ADAMTS4: variants seen among roughly 807,000 people sequenced by gnomAD.
ADAMTS4 encodes the protein A disintegrin and metalloproteinase with thrombospondin motifs 4.
ADAMTS4 carries 38 observed loss-of-function variants against 66.7 expected under a neutral mutation model. The ratio of observed to expected loss-of-function variants is 0.57; its 90% CI spans 0.44 to 0.75. ADAMTS4 has a LOEUF of 0.75. Ranked by LOEUF, ADAMTS4 falls within the 30% of genes least tolerant of loss-of-function variation. ADAMTS4 has a pLI of 0.00. For synonymous variants in ADAMTS4, 418 were observed against 461.5 expected (o/e 0.91, Z 1.21); for missense variants, 1,014 against 1,116.7 (o/e 0.91, Z 1.31).
At position 161,195,583 on chromosome 1, in the gene ADAMTS4, A is replaced by G; in HGVS notation, c.1143T>C (p.Asn381=). The change falls in exon 4 of 9, where the codon AAT becomes AAC. Residue 381 remains asparagine (N), a synonymous_variant. Transcript: ENST00000367996. ...HDNSKPCISL[N]GPLSTSRHVM... ...CATGGCGAGAGGTGCTCAAAGGCCC[A>G]TTCAAACTGATGCATGGCTTGGAGT... 1 of 1,614,006 alleles carries G rather than the reference A, an allele frequency of 6.2e-7. No individual in the cohort carries two copies. The highest frequency in any genetic ancestry group is 8.5e-7 in the Non-Finnish European group (1 of 1,179,934).
intron 1 of ADAMTS4, chr1:161,197,523 C>G (rs1664897012): frequency 6.2e-6 from 1 of 162,504 alleles, no homozygotes; most frequent in Non-Finnish European, 1.3e-5. Flanking sequence ...CACTCCTGCC[C>G]TAGTTTGCAG....
rs755464237 is a variant in ADAMTS4 at position 161,193,628 on chromosome 1, C to G, written c.1735+12G>C. 2 of 1,602,322 alleles carry G rather than the reference C, an allele frequency of 1.2e-6. No homozygotes were observed. The highest frequency in any genetic ancestry group is 1.7e-6 in the Non-Finnish European group (2 of 1,173,480). On this transcript the variant is annotated intron_variant, in intron 6 of 8. Coordinates refer to ENST00000367996, the MANE Select transcript of ADAMTS4 (RefSeq NM_005099.6). The surrounding 1 kb of genome is among the most constrained non-coding windows in gnomAD (Gnocchi z 4.4). ...TCCCCTCCCAAGGGCTCCCATCCCC[C>G]CTACTCCTCACCTGAGCCAGTTGGG...
At chr1:161,192,722 G>C (rs976107066) in intron 7 of ADAMTS4, among the ~76,000 whole-genome samples, 1 of 152,152 alleles carries the variant, frequency 6.6e-6, no homozygotes, top group Non-Finnish European at 1.5e-5. Context: ...AGGTTGGGGC[G>C]AAGGGAGCAA....
In ADAMTS4 at chr1:161,198,228, C is replaced by T; in HGVS notation, c.400G>A (p.Gly134Arg). ...AGAGATGCCACCGACTCCGGATCTC[C>T]ATTGATGGTGCCAGTCAGGTAGGTG... ...PGTYLTGTIN[G>R]DPESVASLHW... Residue 134 changes from glycine (G) to arginine (R), a missense_variant, in exon 1 of 9, where the codon GGA becomes AGA. Transcript: ENST00000367996. This position sits in a 1 kb window ranked among gnomAD's most constrained non-coding sequence, Gnocchi z 4.7. 1 of 1,614,110 alleles carries T rather than the reference C, an allele frequency of 6.2e-7. No individual in the cohort carries two copies. The highest frequency in any genetic ancestry group is 8.5e-7 in the Non-Finnish European group (1 of 1,180,000).
rs745734284 is a variant in ADAMTS4 at position 161,198,575 on chromosome 1, C to T, written c.53G>A (p.Trp18Ter). 2 of 1,551,198 alleles carry T rather than the reference C, an allele frequency of 1.3e-6. No homozygotes were observed. Among genetic ancestry groups the T allele is most frequent in the East Asian group, 2.4e-5 (1 of 41,584 alleles). Residue 18 changes from tryptophan to a stop codon, truncating the protein, a stop_gained, in exon 1 of 9, where the codon TGG becomes TAG. Transcript: ENST00000367996. LOFTEE classifies it high-confidence loss of function. The surrounding 1 kb of genome is among the most constrained non-coding windows in gnomAD (Gnocchi z 4.7). ...PGRGLAGRWL[W>*]GAQPCLLLPI... ...GAGCAGGAGGCAGGGTTGGGCTCCCCACAGCCAGCGCCCTGCCAAGCCCCT... is the reference window on the plus strand; with the variant it reads ...GAGCAGGAGGCAGGGTTGGGCTCCCTACAGCCAGCGCCCTGCCAAGCCCCT...
Position 161,190,750 on chromosome 1 carries a change from A to C in ADAMTS4, c.*388T>G. 1 of 186,608 alleles carries C rather than the reference A, an allele frequency of 5.4e-6. No homozygotes were observed. The highest frequency in any genetic ancestry group is 1.1e-5 in the Non-Finnish European group (1 of 87,690). The allele number at this position is 186,608 out of a possible 1,614,324, so 11.6% of individuals were successfully genotyped here. A position where few individuals can be genotyped will look rare whatever the true frequency, so the allele number is the denominator to read the frequency against. Reference sequence around the variant, plus strand: ...ATTTCCTAGCCCCAGGGTGAGGGCTATGAGGGGTCAGGGGTCAGGTTCCCC... The same window carrying C: ...ATTTCCTAGCCCCAGGGTGAGGGCTCTGAGGGGTCAGGGGTCAGGTTCCCC... On this transcript the variant is annotated 3_prime_UTR_variant, in exon 9 of 9. Transcript: ENST00000367996.
In ADAMTS4 at chr1:161,191,048, T is replaced by C; in HGVS notation, c.*90A>G. 7.0e-7 allele frequency: 1 copy of C among 1,420,324 alleles called. No homozygotes were observed. Among genetic ancestry groups the C allele is most frequent in the East Asian group, 2.3e-5 (1 of 43,248 alleles). 88.0% of individuals were successfully genotyped at this position (1,420,324 alleles called of 1,614,324 possible). A position where few individuals can be genotyped will look rare whatever the true frequency, so the allele number is the denominator to read the frequency against. ...ACGCCCACAGCCCCTCCCCACTGAG[T>C]CTTAGCATGAGGCAGCAACAGAAGC... On this transcript the variant is annotated 3_prime_UTR_variant, in exon 9 of 9. Transcript: ENST00000367996.
Position 161,191,296 on chromosome 1 carries a change from G to A in ADAMTS4, c.2356C>T (p.Leu786=). The A allele has an allele frequency of 6.2e-7, 1 of 1,613,958 alleles. No individual in the cohort carries two copies. Among genetic ancestry groups the A allele is most frequent in the Non-Finnish European group, 8.5e-7 (1 of 1,180,034 alleles). Residue 786 remains leucine, a synonymous_variant, in exon 9 of 9, where the codon CTA becomes TTA. Coordinates refer to ENST00000367996, the MANE Select transcript of ADAMTS4 (RefSeq NM_005099.6). ...PLAQPLTLQV[L]VAGNPQDTRL... ...GTGTCCTGGGGGTTGCCAGCCACTAGGACTTGCAGTGTCAAAGGCTGGGCC... is the reference window on the plus strand; with the variant it reads ...GTGTCCTGGGGGTTGCCAGCCACTAAGACTTGCAGTGTCAAAGGCTGGGCC...
rs1416365385 is a variant in ADAMTS4 at position 161,198,505 on chromosome 1, C to G, written c.123G>C (p.Leu41=). ...LSWLVWLLLL[L]LASLLPSARL... ...GGGCTGAGGGCAGGAGAGAGGCCAGCAGTAGCAGAAGCAGCCACACCAGCC... is the reference window on the plus strand; with the variant it reads ...GGGCTGAGGGCAGGAGAGAGGCCAGGAGTAGCAGAAGCAGCCACACCAGCC... The change falls in exon 1 of 9, where the codon CTG becomes CTC. Residue 41 remains leucine, a synonymous_variant. Transcript: ENST00000367996. This position sits in a 1 kb window ranked among gnomAD's most constrained non-coding sequence, Gnocchi z 4.7. 1.3e-6 allele frequency: 2 copies of G among 1,566,616 alleles called. No homozygotes were observed. The highest frequency in any genetic ancestry group is 1.4e-5 in the African/African-American group (1 of 73,798).
At position 161,193,348 on chromosome 1, in the gene ADAMTS4, G is replaced by T; in HGVS notation, c.1776C>A (p.His592Gln). 1 of 1,614,070 alleles carries T rather than the reference G, an allele frequency of 6.2e-7. No individual in the cohort carries two copies. The highest frequency in any genetic ancestry group is 8.5e-7 in the Non-Finnish European group (1 of 1,180,002). Residue 592 changes from histidine to glutamine, a missense_variant, in exon 7 of 9, where the codon CAC becomes CAA. His to Gln is a conservative substitution (Grantham distance 24, BLOSUM62 0). Coordinates refer to ENST00000367996, the MANE Select transcript of ADAMTS4 (RefSeq NM_005099.6). This position sits in a 1 kb window ranked among gnomAD's most constrained non-coding sequence, Gnocchi z 4.4. ...FREEQCAAYNHRTDLFKSFPG... is the reference protein window; with the variant it reads ...FREEQCAAYNQRTDLFKSFPG... Reference sequence around the variant, plus strand: ...GGAAGCTCTTGAAGAGGTCGGTGCGGTGGTTGTAGGCAGCACACTGCTCCT... The same window carrying T: ...GGAAGCTCTTGAAGAGGTCGGTGCGTTGGTTGTAGGCAGCACACTGCTCCT...
intron 1 of ADAMTS4, chr1:161,197,605 A>C: frequency 5.1e-6 from 1 of 195,640 alleles, no homozygotes; most frequent in East Asian, 1.3e-4. Flanking sequence ...CCTGACTCCT[A>C]TAGCTGGGAG....
At position 161,196,239 on chromosome 1, in the gene ADAMTS4, G is replaced by A. The variant is rs137881629; in HGVS notation, c.1022C>T (p.Pro341Leu). The A allele has an allele frequency of 1.0e-3, 1,634 of 1,613,442 alleles. 1 individual carries two copies. The highest frequency in any genetic ancestry group is 1.2e-3 in the Non-Finnish European group (1,427 of 1,179,716). ...GMADVGTVCD[P>L]ARSCAIVEDD... Reference sequence around the variant, plus strand: ...CTCCACAATGGCACAGCTCCGAGCCGGGTCACAGACGGTGCCCACATCAGC... The same window carrying A: ...CTCCACAATGGCACAGCTCCGAGCCAGGTCACAGACGGTGCCCACATCAGC... Residue 341 changes from proline to leucine, a missense_variant, in exon 3 of 9, where the codon CCG (proline) becomes CTG (leucine). Physicochemically the swap from Pro to Leu is moderately conservative, Grantham distance 98. Transcript: ENST00000367996.
At position 161,185,838 on chromosome 1, in the gene ADAMTS4, A is replaced by T. The variant is rs1664532580; in HGVS notation, c.*5300T>A. The T allele has an allele frequency of 6.6e-6, 1 of 152,214 alleles. No homozygotes were observed. Among genetic ancestry groups the T allele is most frequent in the African/African-American group, 2.4e-5 (1 of 41,448 alleles). The allele number at this position is 152,214 out of a possible 1,614,324, so 9.4% of individuals were successfully genotyped here. On this transcript the variant is annotated 3_prime_UTR_variant, in exon 9 of 9. Coordinates refer to ENST00000367996, the MANE Select transcript of ADAMTS4 (RefSeq NM_005099.6). The stretch of plus-strand genomic sequence containing the variant: ...CCATTACAAAAATAGTGGCTGGACA[A>T]ATGTCCAGATTTCCTCTGTTTGAAC...
Position 161,191,521 on chromosome 1 carries a change from G to C in ADAMTS4, c.2131C>G (p.His711Asp). 6.2e-7 allele frequency: 1 copy of C among 1,613,970 alleles called. No homozygotes were observed. Residue 711 changes from histidine (H) to aspartate (D), a missense_variant, in exon 9 of 9, where the codon CAC becomes GAC. Physicochemically the swap from His to Asp is moderately conservative, Grantham distance 81. Transcript: ENST00000367996. ...TTTCCCTGCTGCCGGACAAGAATGT[G>C]GGTGGCCCCCGCGGGGATAGTGACC... The part of the protein sequence containing the change: ...NVVTIPAGAT[H>D]ILVRQQGNPG...
At position 161,195,467 on chromosome 1, in the gene ADAMTS4, T is replaced by G. The variant is rs746614498; in HGVS notation, c.1259A>C (p.Tyr420Ser). The change falls in exon 4 of 9, where the codon TAT (tyrosine) becomes TCT (serine). Residue 420 changes from tyrosine (Y) to serine (S), a missense_variant and splice_region_variant. Physicochemically the swap from Tyr to Ser is moderately radical, Grantham distance 144. Coordinates refer to ENST00000367996, the MANE Select transcript of ADAMTS4 (RefSeq NM_005099.6). ...AAAGGTAAGTGCCATCTGCTTACCA[T>G]AGCCATTGTCCAGGAAGTCAGTGAT... is the stretch of plus-strand genomic sequence containing the variant. ...RFITDFLDNGYGHCLLDKPEA... is the reference protein window; with the variant it reads ...RFITDFLDNGSGHCLLDKPEA... 1.2e-6 allele frequency: 2 copies of G among 1,606,096 alleles called. No individual in the cohort carries two copies. Among genetic ancestry groups the G allele is most frequent in the South Asian group, 2.2e-5 (2 of 89,986 alleles).
rs1664987343 is a variant in ADAMTS4, at chr1:161,198,839, C to T, written c.-212G>A. 2.0e-6 allele frequency: 1 copy of T among 497,908 alleles called. No homozygotes were observed. The highest frequency in any genetic ancestry group is 3.6e-5 in the Admixed American group (1 of 27,812). The allele number at this position is 497,908 out of a possible 1,614,324, so 30.8% of individuals were successfully genotyped here. On this transcript the variant is annotated 5_prime_UTR_variant, in exon 1 of 9. Transcript: ENST00000367996. The surrounding 1 kb of genome is among the most constrained non-coding windows in gnomAD (Gnocchi z 4.7). ...GAGGTGCCCAGGGGTCTGGCTTCTCCAAACTCTCCTCCTGAGCCCTCCTTT... is the reference window on the plus strand; with the variant it reads ...GAGGTGCCCAGGGGTCTGGCTTCTCTAAACTCTCCTCCTGAGCCCTCCTTT...
In ADAMTS4 at chr1:161,188,897, T is replaced by C. The variant is rs1183481004; in HGVS notation, c.*2241A>G. 1 of 129,510 alleles carries C rather than the reference T, an allele frequency of 7.7e-6. No individual in the cohort carries two copies. The highest frequency in any genetic ancestry group is 2.6e-4 in the East Asian group (1 of 3,808). The allele number at this position is 129,510 out of a possible 1,614,324, so 8.0% of individuals were successfully genotyped here. The stretch of plus-strand genomic sequence containing the variant: ...CATGCCCGGCTAATATATATATATA[T>C]ATATATATATATTTTGTATTTTTAG... On this transcript the variant is annotated 3_prime_UTR_variant, in exon 9 of 9. Transcript: ENST00000367996.
intron 7 of ADAMTS4, 143 bp from the exon 8 acceptor site, chr1:161,192,383 G>A (rs7512012): frequency 0.63 from 402,226 of 637,528 alleles, 129,677 homozygotes; most frequent in East Asian, 0.92. Flanking sequence ...GGTGAGTGCC[G>A]GCCACCATGT....
In ADAMTS4 at chr1:161,185,765, T is replaced by C. The variant is rs890455828; in HGVS notation, c.*5373A>G. On this transcript the variant is annotated 3_prime_UTR_variant, in exon 9 of 9. Transcript: ENST00000367996. ...TGAGACTAGAGATGGAAGAGAAGTG[T>C]AAATGCCGATTCCACAGCACACTCC... 6 of 152,178 alleles carry C rather than the reference T, an allele frequency of 3.9e-5. No homozygotes were observed. Among genetic ancestry groups the C allele is most frequent in the African/African-American group, 1.4e-4 (6 of 41,440 alleles). 9.4% of individuals were successfully genotyped at this position (152,178 alleles called of 1,614,324 possible).
Sources: allele counts gnomAD v4.1 joint callset (sites outside exome capture counted in the v4.1 genomes callset), GRCh38; gene constraint gnomAD v4.1.1; non-coding constraint Gnocchi (gnomAD v3.1); transcripts MANE v1.5; gene names NCBI Gene and HGNC (gene_info 2026-07-23, HGNC 2026-07-21).